PRKAG2: variants seen among roughly 807,000 people sequenced by gnomAD.
PRKAG2 encodes the protein protein kinase AMP-activated non-catalytic subunit gamma 2, also known as 5'-AMP-activated protein kinase subunit gamma-2.
PRKAG2 carries 26 observed loss-of-function variants against 69.6 expected under a neutral mutation model. The observed-to-expected ratio is 0.37, with a 90% confidence interval of 0.27 to 0.52. PRKAG2 has a LOEUF of 0.52. Ranked by LOEUF, PRKAG2 falls within the 20% of genes least tolerant of loss-of-function variation. The pLI is 0.90. For synonymous variants in PRKAG2, 293 were observed against 285.0 expected (o/e 1.03, Z -0.28); for missense variants, 557 against 740.0 (o/e 0.75, Z 2.87).
intron 1 of PRKAG2, among the ~76,000 whole-genome samples, chr7:151,872,002 T>C (rs1298565700): frequency 6.6e-6 from 1 of 152,182 alleles, no homozygotes; most frequent in Non-Finnish European, 1.5e-5. Context: ...GAATCCAAGA[T>C]GTCCTTGGCA....
chr7:151,824,707 G>T (rs1239756181), intron 1 of PRKAG2, among the ~76,000 whole-genome samples: 1 of 152,112 alleles, frequency 6.6e-6, no homozygotes, highest in African/African-American at 2.4e-5. Flanking sequence ...AAATTAACAG[G>T]ACACAAAGCA....
At chr7:151,832,171 A>G (rs943379652) in intron 1 of PRKAG2, among the ~76,000 whole-genome samples, 10 of 150,798 alleles carry the variant, frequency 6.6e-5, no homozygotes, top group African/African-American at 2.4e-4. Flanking sequence ...ATTTCCCCCC[A>G]ACCCAATAGG....
chr7:151,579,106 G>A (rs536376227), intron 6 of PRKAG2, among the ~76,000 whole-genome samples: 16 of 152,050 alleles, frequency 1.1e-4, no homozygotes, highest in Non-Finnish European at 1.8e-4. Flanking sequence ...ACCCCTCCCC[G>A]CTGCCCCTGC....
In PRKAG2 at chr7:151,756,590, C is replaced by T. The variant is rs1226264895; in HGVS notation, c.466+24562G>A. Among the ~76,000 whole-genome samples the T allele has an allele frequency of 6.6e-6, 1 of 152,212 alleles. No homozygotes were observed. The highest frequency in any genetic ancestry group is 1.9e-4 in the East Asian group (1 of 5,190). On this transcript the variant is annotated intron_variant, in intron 3 of 15. Coordinates refer to ENST00000287878, the MANE Select transcript of PRKAG2 (RefSeq NM_016203.4). This position sits in a 1 kb window ranked among gnomAD's most constrained non-coding sequence, Gnocchi z 4.9. ...CCGCTGGGCAGGAGACAGGGAGACA[C>T]CTTGGGCAACATCTGACCATAGCTA... is the stretch of plus-strand genomic sequence containing the variant.
In PRKAG2 at chr7:151,778,534, T is replaced by C. The variant is rs76318196; in HGVS notation, c.466+2618A>G. 2.0e-4 allele frequency among the ~76,000 whole-genome samples: 31 copies of C among 152,278 alleles called. No homozygotes were observed. The East Asian group carries it at 5.8e-3, about 28-fold the overall frequency. Reference sequence around the variant, plus strand: ...CATCCTGGACCTCCACACTCAGCCATCTGTAGGTTCTCCCCATGCCTTCTC... The same window carrying C: ...CATCCTGGACCTCCACACTCAGCCACCTGTAGGTTCTCCCCATGCCTTCTC... On this transcript the variant is annotated intron_variant, in intron 3 of 15. Transcript: ENST00000287878.
chr7:151,676,816 A>G (rs1383683898), intron 3 of PRKAG2, among the ~76,000 whole-genome samples: 1 of 152,184 alleles, frequency 6.6e-6, no homozygotes, highest in East Asian at 1.9e-4. Context: ...GCCCTAATGC[A>G]ATGTGACTGG....
chr7:151,573,189 A>C (rs1808054242), intron 8 of PRKAG2, among the ~76,000 whole-genome samples: 1 of 149,540 alleles, frequency 6.7e-6, no homozygotes, highest in African/African-American at 2.5e-5. Flanking sequence ...ACAAGGTCTC[A>C]TTCTGTCATC....
intron 3 of PRKAG2, among the ~76,000 whole-genome samples, chr7:151,773,807 T>C (rs1170802752): frequency 6.6e-6 from 1 of 152,220 alleles, no homozygotes; most frequent in Non-Finnish European, 1.5e-5. Context: ...TTCACTGTTC[T>C]GGAAGCTCCT....
intron 6 of PRKAG2, among the ~76,000 whole-genome samples, chr7:151,587,032 C>T (rs999768247): frequency 6.6e-6 from 1 of 152,026 alleles, no homozygotes; most frequent in African/African-American, 2.4e-5. Flanking sequence ...GTGTTGTTGC[C>T]CGCCTGTAAT....
At chr7:151,624,831 T>C (rs535286351) in intron 5 of PRKAG2, among the ~76,000 whole-genome samples, 1 of 152,348 alleles carries the variant, frequency 6.6e-6, no homozygotes, top group African/African-American at 2.4e-5. Flanking sequence ...ACCATCAACA[T>C]GGCAAATGCA....
At chr7:151,867,661 T>C (rs1245149772) in intron 1 of PRKAG2, among the ~76,000 whole-genome samples, 2 of 152,126 alleles carry the variant, frequency 1.3e-5, no homozygotes, top group East Asian at 1.9e-4. Context: ...ACTTCGACCT[T>C]TTTTTTGGAG....
intron 3 of PRKAG2, among the ~76,000 whole-genome samples, chr7:151,712,960 T>G (rs1437442075): frequency 6.6e-6 from 1 of 152,216 alleles, no homozygotes; most frequent in Non-Finnish European, 1.5e-5. Context: ...AGGATTGTCA[T>G]GGAGAGCCCT....
rs536004844 is a variant in PRKAG2, at chr7:151,781,528, G to A, written c.187-97C>T. On this transcript the variant is annotated intron_variant, in intron 2 of 15. Coordinates refer to ENST00000287878, the MANE Select transcript of PRKAG2 (RefSeq NM_016203.4). The surrounding 1 kb of genome is among the most constrained non-coding windows in gnomAD (Gnocchi z 6.1). ...CTTATCATTGTCCTCTCTCACATGC[G>A]GGCCCCCCATAGTACCCTCCCAGAG... The A allele has an allele frequency of 1.2e-5, 17 of 1,424,722 alleles. No individual in the cohort carries two copies. Among genetic ancestry groups the A allele is most frequent in the South Asian group, 5.0e-5 (4 of 80,570 alleles). The allele number at this position is 1,424,722 out of a possible 1,614,324, so 88.3% of individuals were successfully genotyped here.
intron 6 of PRKAG2, among the ~76,000 whole-genome samples, chr7:151,584,806 A>T (rs1351376739): frequency 6.6e-6 from 1 of 152,250 alleles, no homozygotes; most frequent in East Asian, 1.9e-4. Context: ...CTGTGGCAGG[A>T]GGATCGCTTG....
intron 3 of PRKAG2, among the ~76,000 whole-genome samples, chr7:151,688,576 C>T (rs1835129731): frequency 6.6e-6 from 1 of 152,180 alleles, no homozygotes; most frequent in Non-Finnish European, 1.5e-5. Flanking sequence ...CCTGTGCTGG[C>T]CAGGGAACTC....
At chr7:151,747,009 C>G (rs537034486) in intron 3 of PRKAG2, among the ~76,000 whole-genome samples, 1 of 152,206 alleles carries the variant, frequency 6.6e-6, no homozygotes, top group Non-Finnish European at 1.5e-5. Context: ...AAACTTTATT[C>G]GCAGCAAATT....
At chr7:151,721,441 TG>T (rs1295604383) in intron 3 of PRKAG2, among the ~76,000 whole-genome samples, 4 of 151,976 alleles carry the variant, frequency 2.6e-5, no homozygotes, top group South Asian at 2.1e-4. Context: ...GGGGCCCAGC[TG>T]GGGTGCCTGA....
At chr7:151,846,642 A>G (rs1586713194) in intron 1 of PRKAG2, among the ~76,000 whole-genome samples, 1 of 152,146 alleles carries the variant, frequency 6.6e-6, no homozygotes, top group South Asian at 2.1e-4. Context: ...CCCTTTGTGC[A>G]TGTATGTCTG....
intron 3 of PRKAG2, among the ~76,000 whole-genome samples, chr7:151,730,671 G>A (rs1266933805): frequency 6.6e-6 from 1 of 152,096 alleles, no homozygotes; most frequent in African/African-American, 2.4e-5. Flanking sequence ...GGAGCAGGGG[G>A]GCTGGATGGG....
Sources: allele counts gnomAD v4.1 joint callset (sites outside exome capture counted in the v4.1 genomes callset), GRCh38; gene constraint gnomAD v4.1.1; non-coding constraint Gnocchi (gnomAD v3.1); transcripts MANE v1.5; gene names NCBI Gene and HGNC (gene_info 2026-07-23, HGNC 2026-07-21).